The following HEATR5A variants were observed in gnomAD, a reference collection of about 807,000 sequenced individuals.
HEATR5A encodes HEAT repeat containing 5A, also known as HEAT repeat-containing protein 5A.
In HEATR5A, 178 loss-of-function variants were observed where a neutral mutation model predicts 218.8. The ratio of observed to expected loss-of-function variants is 0.81; its 90% CI spans 0.72 to 0.92. The LOEUF is 0.92. HEATR5A is among the 40% of genes least tolerant of loss of function. The pLI, the probability that HEATR5A is intolerant of heterozygous loss-of-function variation, is 0.00. For synonymous variants in HEATR5A, 864 were observed against 871.6 expected (o/e 0.99, Z 0.15); for missense variants, 2,420 against 2,418.9 (o/e 1.00, Z -0.01).
chr14:31,341,481 C>A (rs967220708), intron 21 of HEATR5A, among the ~76,000 whole-genome samples: 12 of 152,090 alleles, frequency 7.9e-5, no homozygotes, highest in Admixed American at 7.9e-4. Context: ...GTTGCCTCAA[C>A]ATCCTGGATT....
At chr14:31,383,908 A>C (rs1041892513) in intron 9 of HEATR5A, 137 bp from the exon 10 acceptor site, 1 of 632,006 alleles carries the variant, frequency 1.6e-6, no homozygotes, top group Non-Finnish European at 2.5e-6. Context: ...AAAATACATA[A>C]TTACAAATAA....
intron 1 of HEATR5A, among the ~76,000 whole-genome samples, chr14:31,405,722 T>C (rs938609875): frequency 1.3e-5 from 2 of 152,144 alleles, no homozygotes; most frequent in African/African-American, 4.8e-5. Context: ...TTCTTATTAA[T>C]ACCAGGGCAA....
At position 31,374,984 on chromosome 14, in the gene HEATR5A, C is replaced by G; in HGVS notation, c.1709-16G>C. The G allele has an allele frequency of 3.8e-6, 6 of 1,583,016 alleles. No individual in the cohort carries two copies. The highest frequency in any genetic ancestry group is 5.1e-6 in the Non-Finnish European group (6 of 1,165,608). On this transcript the variant is annotated splice_polypyrimidine_tract_variant and intron_variant, in intron 11 of 35. Transcript: ENST00000543095. ...ACTGCAGGACCTGTAATTTATTCAA[C>G]TTGTCACTTGTAAGAGAATCCAAGG... is the stretch of plus-strand genomic sequence containing the variant.
At chr14:31,381,926 G>A (rs1438691888) in intron 10 of HEATR5A, among the ~76,000 whole-genome samples, 1 of 152,172 alleles carries the variant, frequency 6.6e-6, no homozygotes, top group Admixed American at 6.5e-5. Context: ...CTCTGAAAAA[G>A]CAGGAAGTAT....
chr14:31,374,702 A>G, intron 12 of HEATR5A, 114 bp downstream of exon 12: 1 of 929,322 alleles, frequency 1.1e-6, no homozygotes, highest in Non-Finnish European at 1.6e-6. Context: ...AAAAAAAATC[A>G]TTAGTGGCAT....
intron 2 of HEATR5A, 96 bp downstream of exon 2, chr14:31,402,754 C>T (rs1307107728): frequency 2.6e-6 from 3 of 1,163,920 alleles, no homozygotes; most frequent in African/African-American, 3.1e-5. Flanking sequence ...CATTGTAAAG[C>T]TAAATTAGGT....
intron 34 of HEATR5A, 113 bp downstream of exon 34, chr14:31,295,795 TA>T: frequency 2.6e-6 from 2 of 780,576 alleles, no homozygotes; most frequent in Non-Finnish European, 4.1e-6. Context: ...AATCTAAAAA[TA>T]AAAAAATTGT....
At position 31,364,306 on chromosome 14, in the gene HEATR5A, TAAAAGA is replaced by T. The variant is rs975289810; in HGVS notation, c.1962-14_1962-9del. 1.4e-6 allele frequency: 2 copies of T among 1,419,214 alleles called. No individual in the cohort carries two copies. Among genetic ancestry groups the T allele is most frequent in the Non-Finnish European group, 9.6e-7 (1 of 1,039,876 alleles). 87.9% of individuals were successfully genotyped at this position (1,419,214 alleles called of 1,614,324 possible). A position where few individuals can be genotyped will look rare whatever the true frequency, so the allele number is the denominator to read the frequency against. ...TTTAGTATTGAAGAAAGCCTTAAAA[TAAAAGA>T]AAAAGTGTATCTTAAGTGGTTAAGT... On this transcript the variant is annotated splice_polypyrimidine_tract_variant and intron_variant, in intron 13 of 35. Transcript: ENST00000543095.
At chr14:31,384,000 A>G (rs1336731580) in intron 9 of HEATR5A, among the ~76,000 whole-genome samples, 1 of 152,186 alleles carries the variant, frequency 6.6e-6, no homozygotes, top group Non-Finnish European at 1.5e-5. Context: ...TTCTACTAAT[A>G]TATCTCATGA....
intron 13 of HEATR5A, among the ~76,000 whole-genome samples, chr14:31,366,268 T>C (rs371574274): frequency 5.3e-5 from 8 of 152,264 alleles, no homozygotes; most frequent in East Asian, 1.9e-4. Context: ...ACTGAAATAG[T>C]GTCTCAAAAC....
rs142914081 is a variant in HEATR5A at position 31,349,363 on chromosome 14, G to A, written c.2708+426C>T. On this transcript the variant is annotated intron_variant, in intron 18 of 35. Transcript: ENST00000543095. ...CGCGCCACTGCACTCCAGCCTGGGC[G>A]ACAGGGTGAGACTCCGTCTCAAAAA... Among the ~76,000 whole-genome samples, 494 of 151,994 alleles carry A rather than the reference G, an allele frequency of 3.3e-3. 19 individuals are homozygous for A. The East Asian group carries it at 0.069, about 21-fold the overall frequency.
chr14:31,329,590 G>A (rs1016260897), intron 22 of HEATR5A, among the ~76,000 whole-genome samples: 1 of 152,180 alleles, frequency 6.6e-6, no homozygotes, highest in African/African-American at 2.4e-5. Context: ...CCACCCTGTG[G>A]CTTTGCAGGG....
In HEATR5A at chr14:31,386,512, T is replaced by C; in HGVS notation, c.1253A>G (p.Gln418Arg). The C allele has an allele frequency of 1.2e-6, 2 of 1,611,216 alleles. No individual in the cohort carries two copies. Among genetic ancestry groups the C allele is most frequent in the Non-Finnish European group, 8.5e-7 (1 of 1,179,066 alleles). ...TTGTAAAGCACAAACCAGCATATGT[T>C]GGCTAGCGGCTACATCTGTGGAACC... is the stretch of plus-strand genomic sequence containing the variant. ...RLGSTDVAAS[Q>R]HMLVCALQEL... Residue 418 changes from glutamine to arginine, a missense_variant, in exon 9 of 36, where the codon CAA becomes CGA. Gln to Arg is a conservative substitution (Grantham distance 43). Coordinates refer to ENST00000543095, the MANE Select transcript of HEATR5A (RefSeq NM_015473.4).
chr14:31,352,228 T>C (rs1288591976), intron 16 of HEATR5A, among the ~76,000 whole-genome samples: 1 of 152,230 alleles, frequency 6.6e-6, no homozygotes, highest in African/African-American at 2.4e-5. Flanking sequence ...ACGCTGAAGA[T>C]AACTTTTTCA....
chr14:31,364,732 T>C (rs980635731), intron 13 of HEATR5A, among the ~76,000 whole-genome samples: 1 of 152,032 alleles, frequency 6.6e-6, no homozygotes, highest in African/African-American at 2.4e-5. Flanking sequence ...CCACAAAATA[T>C]GATCTTTCTT....
intron 1 of HEATR5A, among the ~76,000 whole-genome samples, chr14:31,407,584 T>TATA (rs2031118896): frequency 7.5e-4 from 1 of 1,336 alleles, no homozygotes; most frequent in African/African-American, 9.6e-4. Context: ...CTTATTTTAT[T>TATA]TATATATATA....
At chr14:31,308,061 TATTA>T (rs1555366255) in intron 29 of HEATR5A, 41 bp from the exon 30 acceptor site, 1 of 1,536,524 alleles carries the variant, frequency 6.5e-7, no homozygotes, top group Non-Finnish European at 8.7e-7. Context: ...TCTTTCAAAT[TATTA>T]GTTTATGAAA....
At chr14:31,402,630 C>T (rs1008575441) in intron 2 of HEATR5A, among the ~76,000 whole-genome samples, 1 of 152,144 alleles carries the variant, frequency 6.6e-6, no homozygotes, top group African/African-American at 2.4e-5. Flanking sequence ...ATACCAAAAA[C>T]ATTAGCTAAT....
chr14:31,304,017 C>CA (rs1337809510), intron 32 of HEATR5A, among the ~76,000 whole-genome samples: 1 of 151,490 alleles, frequency 6.6e-6, no homozygotes, highest in Non-Finnish European at 1.5e-5. Context: ...ACCAGCCTGG[C>CA]AACACAGCAA....
Sources: allele counts gnomAD v4.1 joint callset (sites outside exome capture counted in the v4.1 genomes callset), GRCh38; gene constraint gnomAD v4.1.1; transcripts MANE v1.5; gene names NCBI Gene and HGNC (gene_info 2026-07-23, HGNC 2026-07-21).